THSD4: variants seen among roughly 807,000 people sequenced by gnomAD.
THSD4 encodes the protein thrombospondin type 1 domain containing 4.
In THSD4, 69 loss-of-function variants were observed where a neutral mutation model predicts 119.0. The observed-to-expected ratio is 0.58, with a 90% CI of 0.48 to 0.71. The LOEUF (loss-of-function observed/expected upper bound fraction) is 0.71. Ranked by LOEUF, THSD4 falls within the 30% of genes least tolerant of loss-of-function variation. The pLI, the probability that THSD4 is intolerant of heterozygous loss-of-function variation, is 0.00. For missense variants in THSD4, 1,393 were observed against 1,391.1 expected, an observed-to-expected ratio of 1.00 and a Z score of -0.02; for synonymous variants, 524 against 540.4, an observed-to-expected ratio of 0.97 and a Z score of 0.42.
At position 71,678,430 on chromosome 15, in the gene THSD4, C is replaced by G. The variant is rs535155156; in HGVS notation, c.1357+17696C>G. ...GGAGCCTCTCTTCCTTCCTCGTGAG[C>G]ATCAGAGCTTCAGAAATGTGAAACC... On this transcript the variant is annotated intron_variant, in intron 8 of 17. Transcript: ENST00000261862. Among the ~76,000 whole-genome samples, 52 of 152,286 alleles carry G rather than the reference C, an allele frequency of 3.4e-4. No homozygotes were observed. The South Asian group carries it at 9.1e-3, about 27-fold the overall frequency.
At chr15:71,209,824 T>C (rs910629428) in intron 3 of THSD4, among the ~76,000 whole-genome samples, 2 of 152,174 alleles carry the variant, frequency 1.3e-5, no homozygotes, top group Non-Finnish European at 2.9e-5. Flanking sequence ...GGGTCTTTCC[T>C]GTGCTATTCT....
At chr15:71,466,079 G>A (rs1270683533) in intron 7 of THSD4, among the ~76,000 whole-genome samples, 1 of 152,152 alleles carries the variant, frequency 6.6e-6, no homozygotes, top group African/African-American at 2.4e-5. Flanking sequence ...GCCGGGCGCA[G>A]TGGCTCACAC....
At chr15:71,613,331 C>T (rs552072106) in intron 7 of THSD4, among the ~76,000 whole-genome samples, 2 of 152,290 alleles carry the variant, frequency 1.3e-5, no homozygotes, top group South Asian at 4.1e-4. Flanking sequence ...TATCATTTAA[C>T]ATTTCCCAAA....
At chr15:71,566,568 A>G (rs1015748395) in intron 7 of THSD4, among the ~76,000 whole-genome samples, 2 of 151,962 alleles carry the variant, frequency 1.3e-5, no homozygotes, top group Admixed American at 1.3e-4. Flanking sequence ...CTGCCCCGAG[A>G]GTTTCTGTGC....
chr15:71,399,890 T>C (rs1230979149), intron 6 of THSD4, among the ~76,000 whole-genome samples: 1 of 152,170 alleles, frequency 6.6e-6, no homozygotes, highest in Non-Finnish European at 1.5e-5. Context: ...TTGTGGAAAA[T>C]TAGAACTGTG....
chr15:71,634,853 A>G (rs1016067902), intron 7 of THSD4, among the ~76,000 whole-genome samples: 2 of 152,210 alleles, frequency 1.3e-5, no homozygotes, highest in African/African-American at 4.8e-5. Context: ...GCATCGTGCC[A>G]TACATTCATT....
At chr15:71,682,572 CT>C (rs33972227) in intron 8 of THSD4, among the ~76,000 whole-genome samples, 59,392 of 141,664 alleles carry the variant, frequency 0.42, 12,317 homozygotes, top group East Asian at 0.54. Context: ...TTGTATCTGG[CT>C]TTTTTTTTTT....
chr15:71,181,399 T>C (rs530131273), intron 3 of THSD4, among the ~76,000 whole-genome samples: 2 of 152,246 alleles, frequency 1.3e-5, no homozygotes, highest in East Asian at 3.9e-4. Flanking sequence ...GCTTAAAACT[T>C]TGTGTTTGTG....
intron 6 of THSD4, among the ~76,000 whole-genome samples, chr15:71,397,985 A>T (rs965500971): frequency 6.6e-6 from 1 of 152,108 alleles, no homozygotes; most frequent in African/African-American, 2.4e-5. Flanking sequence ...AAACAGTATG[A>T]CTCTAGACAA....
intron 6 of THSD4, among the ~76,000 whole-genome samples, chr15:71,307,566 T>A (rs2045047892): frequency 1.3e-5 from 2 of 152,036 alleles, no homozygotes; most frequent in South Asian, 4.2e-4. Context: ...GGACAGGAGT[T>A]CAAGACCAGC....
intron 3 of THSD4, chr15:71,185,896 T>G (rs926052981): frequency 2.6e-5 from 4 of 152,204 alleles, no homozygotes; most frequent in African/African-American, 9.6e-5. Context: ...GGAGGTGCAC[T>G]GCAATGGTTA....
At chr15:71,252,957 G>A (rs531976207) in intron 5 of THSD4, among the ~76,000 whole-genome samples, 4 of 152,026 alleles carry the variant, frequency 2.6e-5, no homozygotes, top group East Asian at 1.9e-4. Context: ...CCACTTCCAC[G>A]TCCGGGCCCA....
intron 7 of THSD4, among the ~76,000 whole-genome samples, chr15:71,424,132 A>G (rs534822648): frequency 6.6e-6 from 1 of 152,226 alleles, no homozygotes; most frequent in Admixed American, 6.5e-5. Context: ...AGTTAAAACC[A>G]GGTTATGTGA....
At chr15:71,565,299 A>G (rs1262506069) in intron 7 of THSD4, among the ~76,000 whole-genome samples, 1 of 152,214 alleles carries the variant, frequency 6.6e-6, no homozygotes, top group African/African-American at 2.4e-5. Flanking sequence ...AGGAAAATGG[A>G]CACTTAGTAG....
chr15:71,532,467 T>C (rs1201746103), intron 7 of THSD4, among the ~76,000 whole-genome samples: 1 of 140,794 alleles, frequency 7.1e-6, no homozygotes, highest in African/African-American at 2.7e-5. Context: ...CATGCTGCCA[T>C]GCCCAGCAAT....
At chr15:71,203,159 CAGGGAG>C (rs2043816691) in intron 3 of THSD4, among the ~76,000 whole-genome samples, 1 of 151,938 alleles carries the variant, frequency 6.6e-6, no homozygotes, top group African/African-American at 2.4e-5. Context: ...TGAAGGTGGG[CAGGGAG>C]AGAAAGTGTT....
chr15:71,718,703 C>T (rs1255478788), intron 8 of THSD4, among the ~76,000 whole-genome samples: 1 of 152,160 alleles, frequency 6.6e-6, no homozygotes, highest in Non-Finnish European at 1.5e-5. Flanking sequence ...CTTCTCCATC[C>T]TTCTAAGGTC....
chr15:71,314,920 T>A (rs1021308357), intron 6 of THSD4, among the ~76,000 whole-genome samples: 1 of 152,246 alleles, frequency 6.6e-6, no homozygotes, highest in African/African-American at 2.4e-5. Flanking sequence ...AGTATTCTTA[T>A]ACTTTCACTC....
intron 6 of THSD4, among the ~76,000 whole-genome samples, chr15:71,364,232 C>T (rs1165179738): frequency 6.6e-6 from 1 of 152,122 alleles, no homozygotes; most frequent in Non-Finnish European, 1.5e-5. Context: ...AGTCAGCAAC[C>T]CTGGGAGCCC....
Sources: allele counts gnomAD v4.1 joint callset (sites outside exome capture counted in the v4.1 genomes callset), GRCh38; gene constraint gnomAD v4.1.1; transcripts MANE v1.5; gene names NCBI Gene and HGNC (gene_info 2026-07-23, HGNC 2026-07-21).